Variants in PAGE2B observed in about 807,000 individuals in gnomAD.
PAGE2B encodes the protein putative G antigen family E member 3.
PAGE2B carries 5 observed loss-of-function variants against 7.6 expected under a neutral mutation model. That is an observed-to-expected ratio of 0.66 (90% CI 0.34 to 1.38). PAGE2B has a LOEUF of 1.38. Among genes scored for constraint, PAGE2B ranks in the 40% most tolerant of loss-of-function variants. The probability of loss-of-function intolerance (pLI) is 0.04; values close to 1 mark genes in which losing one functional copy is unlikely to be tolerated. For synonymous variants in PAGE2B, 29 were observed against 26.7 expected, an observed-to-expected ratio of 1.09 and a Z score of -0.27; for missense variants, 70 against 78.4, an observed-to-expected ratio of 0.89 and a Z score of 0.41.
At chrX:55,070,468 TAG>T (rs1251413337), upstream of PAGE2B, among the ~76,000 whole-genome samples, 1 of 111,917 alleles carries the variant, frequency 8.9e-6, no homozygotes, top group African/African-American at 3.3e-5. Flanking sequence ...TGGTCAATTT[TAG>T]AATAAGTGTG....
chrX:55,059,549 G>C, the PAGE2B span, among the ~76,000 whole-genome samples: 71 of 111,480 alleles, frequency 6.4e-4, no homozygotes, highest in Non-Finnish European at 1.0e-3. Flanking sequence ...TTTGACATAT[G>C]TGTACAATGT....
the PAGE2B span, among the ~76,000 whole-genome samples, chrX:55,069,603 G>T: frequency 6.3e-5 from 7 of 111,264 alleles, no homozygotes; most frequent in Non-Finnish European, 1.9e-5. Flanking sequence ...ATTTGGAGTA[G>T]TTTCAGAAGG....
At chrX:55,041,623 G>T in the PAGE2B span, among the ~76,000 whole-genome samples, 6 of 111,973 alleles carry the variant, frequency 5.4e-5, no homozygotes, top group African/African-American at 1.9e-4. Context: ...GCAGTAAACT[G>T]CCCCTACATG....
At chrX:55,035,251 TTG>T in the PAGE2B span, among the ~76,000 whole-genome samples, 8 of 112,188 alleles carry the variant, frequency 7.1e-5, no homozygotes, top group East Asian at 1.7e-3. Flanking sequence ...TTTATAGTTT[TTG>T]TCTTTTGGTA....
chrX:55,077,739 C>G (rs1046921553), intron 4 of PAGE2B, among the ~76,000 whole-genome samples: 2 of 112,225 alleles, frequency 1.8e-5, no homozygotes, highest in African/African-American at 6.6e-5. Context: ...TTTGGGAGGC[C>G]GAGACAGAAA....
the PAGE2B span, among the ~76,000 whole-genome samples, chrX:55,048,504 T>A: frequency 8.9e-6 from 1 of 111,873 alleles, no homozygotes; most frequent in African/African-American, 3.2e-5. Flanking sequence ...GTAGTTCTCT[T>A]TGAAGAAGTC....
upstream of PAGE2B, among the ~76,000 whole-genome samples, chrX:55,071,766 C>G (rs184099307): frequency 2.6e-4 from 29 of 111,843 alleles, no homozygotes; most frequent in Admixed American, 1.4e-3. Flanking sequence ...TCTTTTTTCT[C>G]TAACCTTGTT....
At chrX:55,076,814 G>C in intron 3 of PAGE2B, 137 bp downstream of exon 3, 2 of 612,859 alleles carry the variant, frequency 3.3e-6, no homozygotes. Context: ...GCTGTGTGGA[G>C]GGGTGGGACA....
chrX:55,066,572 A>T, the PAGE2B span, among the ~76,000 whole-genome samples: 4 of 111,321 alleles, frequency 3.6e-5, no homozygotes, highest in East Asian at 2.8e-4. Context: ...AGGATAAAAA[A>T]TTTTTTTCCT....
chrX:55,046,528 A>G, the PAGE2B span, among the ~76,000 whole-genome samples: 3 of 112,219 alleles, frequency 2.7e-5, no homozygotes, highest in Non-Finnish European at 5.6e-5. Context: ...GAGGGATTGG[A>G]GAAGATAATT....
intron 1 of PAGE2B, 136 bp downstream of exon 1, chrX:55,075,250 CT>C: frequency 7.2e-6 from 1 of 139,181 alleles, no homozygotes; most frequent in Non-Finnish European, 1.4e-5. Flanking sequence ...CGTCCGGCCC[CT>C]CCCAGGTCGG....
intron 3 of PAGE2B, among the ~76,000 whole-genome samples, 188 bp downstream of exon 3, chrX:55,076,865 C>T (rs757947523): frequency 2.1e-4 from 24 of 111,660 alleles, no homozygotes; most frequent in Middle Eastern, 4.6e-3. Context: ...ACCACTTTGA[C>T]GGAGGCTTTT....
At chrX:55,074,218 A>G (rs1160785678), upstream of PAGE2B, among the ~76,000 whole-genome samples, 2 of 111,844 alleles carry the variant, frequency 1.8e-5, no homozygotes, top group Admixed American at 1.9e-4. Context: ...TTAACATGTA[A>G]TATAAAAATA....
upstream of PAGE2B, among the ~76,000 whole-genome samples, chrX:55,073,089 C>T (rs1936465866): frequency 1.8e-5 from 2 of 111,253 alleles, no homozygotes; most frequent in Admixed American, 1.9e-4. Flanking sequence ...TGTGTCACAC[C>T]GGGTTCCAGG....
the PAGE2B span, among the ~76,000 whole-genome samples, chrX:55,053,786 TC>T: frequency 8.9e-6 from 1 of 112,279 alleles, no homozygotes; most frequent in Admixed American, 9.4e-5. Flanking sequence ...TCTTATTTTT[TC>T]ACAGTAAAAT....
In PAGE2B at chrX:55,076,066, T is replaced by A; in HGVS notation, c.25T>A (p.Ser9Thr). 8.3e-7 allele frequency: 1 copy of A among 1,209,906 alleles called. No homozygotes were observed. Among genetic ancestry groups the A allele is most frequent in the Non-Finnish European group, 1.1e-6 (1 of 894,227 alleles). Residue 9 changes from serine to threonine, a missense_variant, in exon 2 of 5, where the codon TCC becomes ACC. By Grantham distance (58) the Ser-to-Thr change is moderately conservative. Coordinates refer to ENST00000374971, the MANE Select transcript of PAGE2B (RefSeq NM_001015038.3). ...TATGAGTGAGCATGTGAGAACAAGA[T>A]CCCAATCCTCAGAAAGAGGAAATGA... MSEHVRTR[S>T]QSSERGNDQE...
At chrX:55,054,442 C>T in the PAGE2B span, among the ~76,000 whole-genome samples, 1 of 112,185 alleles carries the variant, frequency 8.9e-6, no homozygotes, top group Non-Finnish European at 1.9e-5. Context: ...AAAGTATCCA[C>T]TTTGAGTGAT....
At chrX:55,044,681 A>G in the PAGE2B span, 16 of 112,065 alleles carry the variant, frequency 1.4e-4, no homozygotes, top group African/African-American at 5.2e-4. Context: ...TAGTCCAGGC[A>G]AGACACCAGG....
the PAGE2B span, among the ~76,000 whole-genome samples, chrX:55,043,918 A>G: frequency 9.2e-6 from 1 of 108,898 alleles, no homozygotes; most frequent in Non-Finnish European, 1.9e-5. Flanking sequence ...GTGAGCCAAG[A>G]TCGCACCATT....
Sources: allele counts gnomAD v4.1 joint callset (sites outside exome capture counted in the v4.1 genomes callset), GRCh38; gene constraint gnomAD v4.1.1; transcripts MANE v1.5; gene names NCBI Gene and HGNC (gene_info 2026-07-23, HGNC 2026-07-21).